PDE4D: variants seen among roughly 807,000 people sequenced by gnomAD.
PDE4D encodes 3',5'-cyclic-AMP phosphodiesterase 4D.
A neutral mutation model predicts 87.4 loss-of-function variants in PDE4D; 24 were observed. That is an observed-to-expected ratio of 0.27 (90% CI 0.20 to 0.39). The LOEUF (loss-of-function observed/expected upper bound fraction) is 0.39, where lower values mean the gene tolerates loss of function less well. Ranked by LOEUF, PDE4D falls within the 10% of genes least tolerant of loss-of-function variation. The pLI is 1.00. For missense variants in PDE4D, 714 were observed against 1,041.0 expected (o/e 0.69, Z 4.32); for synonymous variants, 384 against 383.2 (o/e 1.00, Z -0.02).
At chr5:60,389,378 A>G (rs1762418784) in intron 1 of PDE4D, among the ~76,000 whole-genome samples, 1 of 151,458 alleles carries the variant, frequency 6.6e-6, no homozygotes, top group South Asian at 2.1e-4. Flanking sequence ...CTAAATGATT[A>G]AAAAATTTTA....
chr5:59,516,597 G>A (rs1216911312), intron 1 of PDE4D, among the ~76,000 whole-genome samples: 1 of 151,914 alleles, frequency 6.6e-6, no homozygotes, highest in Non-Finnish European at 1.5e-5. Flanking sequence ...CTTTTCTTCG[G>A]GAGAAGATAT....
intron 1 of PDE4D, among the ~76,000 whole-genome samples, chr5:59,825,414 C>T (rs530765241): frequency 5.9e-5 from 9 of 152,152 alleles, no homozygotes; most frequent in Middle Eastern, 6.8e-3. Flanking sequence ...TTGGTGGTGG[C>T]ACTGCACATG....
At chr5:59,845,533 G>A (rs2152711822) in intron 1 of PDE4D, among the ~76,000 whole-genome samples, 1 of 152,170 alleles carries the variant, frequency 6.6e-6, no homozygotes, top group South Asian at 2.1e-4. Context: ...AATATATTGG[G>A]ACATCTCAGG....
intron 1 of PDE4D, among the ~76,000 whole-genome samples, chr5:59,596,992 A>G (rs1171964944): frequency 1.3e-5 from 2 of 152,160 alleles, no homozygotes; most frequent in Non-Finnish European, 2.9e-5. Context: ...AGACAAAAAG[A>G]AATCGGTGAT....
chr5:59,403,976 T>C (rs1439047936), intron 1 of PDE4D, among the ~76,000 whole-genome samples: 2 of 152,244 alleles, frequency 1.3e-5, no homozygotes, highest in Admixed American at 6.5e-5. Flanking sequence ...TTACTGCCTG[T>C]CTTTTGGATA....
At chr5:59,218,101 G>C (rs944319928) in intron 1 of PDE4D, 10 of 343,092 alleles carry the variant, frequency 2.9e-5, no homozygotes, top group South Asian at 6.9e-5. Flanking sequence ...GTGGGGGTTT[G>C]GCAAAGTAGA....
At chr5:59,750,680 A>AT (rs1375494488) in intron 1 of PDE4D, among the ~76,000 whole-genome samples, 3 of 152,136 alleles carry the variant, frequency 2.0e-5, no homozygotes, top group African/African-American at 7.2e-5. Context: ...TCATGCCTAT[A>AT]ATCCCAGCAC....
chr5:59,264,895 T>C (rs921981256), intron 1 of PDE4D, among the ~76,000 whole-genome samples: 1 of 152,018 alleles, frequency 6.6e-6, no homozygotes, highest in African/African-American at 2.4e-5. Context: ...TTTTTGTCTG[T>C]TGTTCTTTAG....
At chr5:60,086,545 A>G (rs769016588) in intron 2 of PDE4D, among the ~76,000 whole-genome samples, 2 of 152,264 alleles carry the variant, frequency 1.3e-5, no homozygotes, top group African/African-American at 2.4e-5. Flanking sequence ...CTTTAGCCAT[A>G]AATGGAATTT....
In PDE4D at chr5:58,974,883, T is replaced by C. The variant is rs1743325732; in HGVS notation, c.2211A>G (p.Glu737=). The change falls in exon 15 of 15, where the codon GAA becomes GAG. Residue 737 remains glutamate, a synonymous_variant. Transcript: ENST00000340635. ...ACTCACCATCTTCCTCTAAAGTTAG[T>C]TCAAACTGGAATTTCTCAGTTTGAC... ...RQGQTEKFQF[E]LTLEEDGESD... The C allele has an allele frequency of 6.2e-7, 1 of 1,612,514 alleles. No individual in the cohort carries two copies. The highest frequency in any genetic ancestry group is 1.3e-5 in the African/African-American group (1 of 74,882).
At chr5:59,541,411 C>T (rs1391610804) in intron 1 of PDE4D, among the ~76,000 whole-genome samples, 1 of 152,208 alleles carries the variant, frequency 6.6e-6, no homozygotes, top group Non-Finnish European at 1.5e-5. Flanking sequence ...ACCCAGTCTA[C>T]AAATATACCC....
chr5:60,018,208 GA>G (rs1187186081), intron 2 of PDE4D, among the ~76,000 whole-genome samples: 1 of 150,494 alleles, frequency 6.6e-6, no homozygotes, highest in Admixed American at 6.6e-5. Context: ...AAAAAAAAAA[GA>G]ATTTCAAACC....
chr5:59,426,411 T>TCCC (rs1795213645), intron 1 of PDE4D, among the ~76,000 whole-genome samples: 1 of 152,170 alleles, frequency 6.6e-6, no homozygotes, highest in Non-Finnish European at 1.5e-5. Flanking sequence ...CCTTCCTGTC[T>TCCC]TCTGGATCTT....
intron 1 of PDE4D, among the ~76,000 whole-genome samples, chr5:59,629,354 C>A (rs945998627): frequency 1.1e-4 from 16 of 152,076 alleles, no homozygotes; most frequent in Non-Finnish European, 1.9e-4. Context: ...GTAAGATGCA[C>A]CCTACTTCAA....
At chr5:60,082,474 C>T (rs984094979) in intron 2 of PDE4D, among the ~76,000 whole-genome samples, 4 of 152,146 alleles carry the variant, frequency 2.6e-5, no homozygotes, top group African/African-American at 9.7e-5. Context: ...TACAGCAACC[C>T]AAACTGACTA....
chr5:59,895,702 C>T (rs1046233651), upstream of PDE4D, among the ~76,000 whole-genome samples: 2 of 152,192 alleles, frequency 1.3e-5, no homozygotes, highest in African/African-American at 4.8e-5. Flanking sequence ...TTTCTTCTTT[C>T]CCCTGAAATG....
At chr5:59,816,225 T>A (rs779933842) in intron 1 of PDE4D, among the ~76,000 whole-genome samples, 4 of 152,254 alleles carry the variant, frequency 2.6e-5, no homozygotes, top group Non-Finnish European at 5.9e-5. Flanking sequence ...CTTGTTGGAC[T>A]TACATTCAGG....
At chr5:60,357,992 A>G (rs1310064869) in intron 1 of PDE4D, among the ~76,000 whole-genome samples, 1 of 152,182 alleles carries the variant, frequency 6.6e-6, no homozygotes, top group Non-Finnish European at 1.5e-5. Context: ...AATCTTCACT[A>G]CAACCCTATG....
In PDE4D at chr5:59,610,726, C is replaced by T. The variant is rs374760203; in HGVS notation, c.455+282442G>A. 7.2e-5 allele frequency among the ~76,000 whole-genome samples: 11 copies of T among 152,088 alleles called. No homozygotes were observed. In the East Asian group the frequency reaches 1.7e-3, roughly 24 times the overall value. On this transcript the variant is annotated intron_variant, in intron 1 of 14. Coordinates refer to ENST00000340635, the MANE Select transcript of PDE4D (RefSeq NM_001104631.2). The stretch of plus-strand genomic sequence containing the variant: ...CATGCCTCAAACCCATTGAAATACA[C>T]CTCAATGAAACAATAAGTAAACGAG...
Sources: allele counts gnomAD v4.1 joint callset (sites outside exome capture counted in the v4.1 genomes callset), GRCh38; gene constraint gnomAD v4.1.1; transcripts MANE v1.5; gene names NCBI Gene and HGNC (gene_info 2026-07-23, HGNC 2026-07-21).